The following CSMD1 variants were observed in gnomAD, a reference collection of about 807,000 sequenced individuals.
The protein encoded by CSMD1 is CUB and sushi domain-containing protein 1.
CSMD1 carries 213 observed loss-of-function variants against 417.5 expected under a neutral mutation model. The observed-to-expected ratio is 0.51, with a 90% CI of 0.46 to 0.57. The LOEUF is 0.57. CSMD1 is among the 20% of genes least tolerant of loss of function. CSMD1 has a pLI of 0.00. For missense variants in CSMD1, 6,923 were observed against 4,529.7 expected, an observed-to-expected ratio of 1.53 and a Z score of -15.17; for synonymous variants, 2,862 against 1,736.8, an observed-to-expected ratio of 1.65 and a Z score of -16.11.
intron 18 of CSMD1, among the ~76,000 whole-genome samples, chr8:3,374,037 C>A (rs367948767): frequency 6.6e-6 from 1 of 150,556 alleles, no homozygotes; most frequent in Non-Finnish European, 1.5e-5. Flanking sequence ...ACTGCAACCT[C>A]TGCCTCCCGG....
chr8:4,323,924 G>A (rs1337232606), intron 3 of CSMD1, among the ~76,000 whole-genome samples: 16 of 152,118 alleles, frequency 1.1e-4, no homozygotes, highest in Admixed American at 1.0e-3. Flanking sequence ...GGGGTGGCAG[G>A]TGTCCCAGCA....
intron 5 of CSMD1, among the ~76,000 whole-genome samples, chr8:3,975,321 A>T (rs966107008): frequency 1.3e-5 from 2 of 152,172 alleles, no homozygotes; most frequent in African/African-American, 4.8e-5. Context: ...CCCTTAGAAC[A>T]GTTTGGATGT....
intron 2 of CSMD1, among the ~76,000 whole-genome samples, chr8:4,439,085 C>A (rs1044512618): frequency 1.3e-5 from 2 of 152,154 alleles, no homozygotes; most frequent in African/African-American, 4.8e-5. Flanking sequence ...CCTATTTCAT[C>A]TGTATTATAT....
chr8:4,297,335 TA>T (rs939330129), intron 3 of CSMD1, among the ~76,000 whole-genome samples: 1 of 151,966 alleles, frequency 6.6e-6, no homozygotes, highest in Non-Finnish European at 1.5e-5. Flanking sequence ...AATCCAAATC[TA>T]AAAAAACAAA....
intron 8 of CSMD1, among the ~76,000 whole-genome samples, chr8:3,608,454 A>T (rs1801727786): frequency 1.3e-5 from 2 of 152,002 alleles, no homozygotes; most frequent in South Asian, 4.2e-4. Flanking sequence ...AGGATAGAAG[A>T]ATTTGAAATT....
intron 10 of CSMD1, among the ~76,000 whole-genome samples, chr8:3,565,131 C>CAAAAAAAAAAAAAAA: frequency 3.8e-4 from 4 of 10,450 alleles, no homozygotes; most frequent in South Asian, 7.2e-3. Flanking sequence ...TGCAAGACAG[C>CAAAAAAAAAAAAAAA]AAAAAAAAAA....
chr8:3,763,563 T>C lies in CSMD1; in HGVS notation c.819-9521A>G, dbSNP rs950823772. On this transcript the variant is annotated intron_variant, in intron 5 of 69. Transcript: ENST00000635120. Reference sequence around the variant, plus strand: ...AGGCCCTTACCAGAAGCCAAGCAGGTGCTAGCCCCGTTTGGTACAGCCTGT... The same window carrying C: ...AGGCCCTTACCAGAAGCCAAGCAGGCGCTAGCCCCGTTTGGTACAGCCTGT... 2.6e-5 allele frequency among the ~76,000 whole-genome samples: 4 copies of C among 152,168 alleles called. No homozygotes were observed. The East Asian group carries it at 5.8e-4, about 22-fold the overall frequency.
At chr8:4,070,639 G>C (rs960759696) in intron 3 of CSMD1, among the ~76,000 whole-genome samples, 1 of 152,084 alleles carries the variant, frequency 6.6e-6, no homozygotes, top group Non-Finnish European at 1.5e-5. Flanking sequence ...TTACAGGCGT[G>C]AGCCACCGTG....
rs373101141 is a variant in CSMD1 at position 3,675,575 on chromosome 8, C to T, written c.1009+32839G>A. On this transcript the variant is annotated intron_variant, in intron 7 of 69. Coordinates refer to ENST00000635120, the MANE Select transcript of CSMD1 (RefSeq NM_033225.6). Reference sequence around the variant, plus strand: ...TTCAGGAAGTGATTTGGTTTACATGCAGACACGAGGGTTGATACCCCATGA... The same window carrying T: ...TTCAGGAAGTGATTTGGTTTACATGTAGACACGAGGGTTGATACCCCATGA... Among the ~76,000 whole-genome samples the T allele has an allele frequency of 3.3e-5, 5 of 152,066 alleles. No individual in the cohort carries two copies. In the East Asian group the frequency reaches 9.7e-4, roughly 29 times the overall value.
At chr8:3,320,958 C>T (rs991645457) in intron 23 of CSMD1, among the ~76,000 whole-genome samples, 7 of 152,136 alleles carry the variant, frequency 4.6e-5, no homozygotes, top group Non-Finnish European at 7.3e-5. Flanking sequence ...AAATGGAGTA[C>T]GTAACCAACA....
intron 1 of CSMD1, among the ~76,000 whole-genome samples, chr8:4,759,635 A>G (rs1000341753): frequency 2.7e-4 from 41 of 151,748 alleles, no homozygotes; most frequent in African/African-American, 9.9e-4. Context: ...TCATTGCTCA[A>G]CTCCCACTTA....
At chr8:4,093,824 G>C (rs1211327936) in intron 3 of CSMD1, among the ~76,000 whole-genome samples, 1 of 152,088 alleles carries the variant, frequency 6.6e-6, no homozygotes. Context: ...AGCTGGGTGT[G>C]GTGGTGCATG....
chr8:4,515,833 A>C (rs1803086912), intron 2 of CSMD1, among the ~76,000 whole-genome samples: 1 of 152,178 alleles, frequency 6.6e-6, no homozygotes, highest in Non-Finnish European at 1.5e-5. Flanking sequence ...TCTTCATTGC[A>C]GGCTGAGAGC....
At chr8:3,499,747 G>A (rs1228407140) in intron 10 of CSMD1, among the ~76,000 whole-genome samples, 2 of 152,068 alleles carry the variant, frequency 1.3e-5, no homozygotes, top group South Asian at 2.1e-4. Flanking sequence ...AGTGCAGCTG[G>A]GGTCATAGTC....
chr8:4,437,997 G>C (rs772178014), intron 2 of CSMD1, among the ~76,000 whole-genome samples: 2 of 152,022 alleles, frequency 1.3e-5, no homozygotes. Flanking sequence ...CAATAAAGTG[G>C]TCTGATCTGC....
chr8:4,156,812 G>C (rs183712128), intron 3 of CSMD1, among the ~76,000 whole-genome samples: 3 of 152,078 alleles, frequency 2.0e-5, no homozygotes, highest in Non-Finnish European at 4.4e-5. Context: ...TCCCAGCAGC[G>C]AGCAGCAAGT....
At chr8:4,023,771 TTTTTTTTTTTTTTG>T (rs1409865920) in intron 4 of CSMD1, among the ~76,000 whole-genome samples, 3 of 117,724 alleles carry the variant, frequency 2.5e-5, no homozygotes, top group Non-Finnish European at 3.5e-5. Flanking sequence ...TTTTTTTTTT[TTTTTTTTTTTTTTG>T]TGTGTGTATT....
intron 23 of CSMD1, among the ~76,000 whole-genome samples, chr8:3,309,863 T>C (rs1344504981): frequency 6.6e-6 from 1 of 152,178 alleles, no homozygotes; most frequent in Non-Finnish European, 1.5e-5. Context: ...GATTTGCAGC[T>C]TTGTATAGGA....
At chr8:4,348,880 C>T (rs886553074) in intron 3 of CSMD1, among the ~76,000 whole-genome samples, 5 of 152,088 alleles carry the variant, frequency 3.3e-5, no homozygotes, top group African/African-American at 9.7e-5. Flanking sequence ...ATGTCTGTTG[C>T]TCTGATTGAG....
Sources: gnomAD v4.1 joint callset for allele counts (sites outside exome capture counted in the v4.1 genomes callset) on GRCh38, gnomAD v4.1.1 for gene constraint, MANE v1.5 for transcripts, NCBI Gene and HGNC (gene_info 2026-07-23, HGNC 2026-07-21) for gene names.